Variants in CNTN4 observed in about 807,000 individuals in gnomAD.
The protein encoded by CNTN4 is contactin-4.
A neutral mutation model predicts 122.5 loss-of-function variants in CNTN4; 77 were observed. The ratio of observed to expected loss-of-function variants is 0.63; its 90% CI spans 0.52 to 0.76. The LOEUF (loss-of-function observed/expected upper bound fraction) is 0.76. CNTN4 is among the 30% of genes least tolerant of loss of function. CNTN4 has a pLI of 0.00. For missense variants in CNTN4, 1,256 were observed against 1,259.1 expected (o/e 1.00, Z 0.04); for synonymous variants, 512 against 447.0 (o/e 1.15, Z -1.83).
At chr3:2,457,246 A>G (rs2049037942) in intron 3 of CNTN4, among the ~76,000 whole-genome samples, 1 of 152,166 alleles carries the variant, frequency 6.6e-6, no homozygotes, top group African/African-American at 2.4e-5. Flanking sequence ...TGCATACAAT[A>G]TTCCAAAAGT....
At chr3:2,443,547 C>T (rs1048632214) in intron 3 of CNTN4, among the ~76,000 whole-genome samples, 1 of 152,172 alleles carries the variant, frequency 6.6e-6, no homozygotes, top group African/African-American at 2.4e-5. Context: ...ATTGAGCTTC[C>T]ATAGCAAAGA....
chr3:2,357,824 A>C (rs905011629), intron 3 of CNTN4, among the ~76,000 whole-genome samples: 1 of 152,208 alleles, frequency 6.6e-6, no homozygotes, highest in Admixed American at 6.5e-5. Context: ...TCATCTTCTT[A>C]ATCCTGTATG....
chr3:2,506,659 C>T (rs572806369), intron 3 of CNTN4, among the ~76,000 whole-genome samples: 3 of 152,144 alleles, frequency 2.0e-5, no homozygotes, highest in Non-Finnish European at 4.4e-5. Flanking sequence ...GTATCTATTT[C>T]AGGAGTAAGA....
intron 3 of CNTN4, among the ~76,000 whole-genome samples, chr3:2,446,676 C>T (rs559340307): frequency 2.0e-5 from 3 of 152,266 alleles, no homozygotes; most frequent in African/African-American, 4.8e-5. Flanking sequence ...TAAACACACT[C>T]GGTTTACTTA....
intron 4 of CNTN4, among the ~76,000 whole-genome samples, chr3:2,612,750 G>A (rs888991117): frequency 6.6e-6 from 1 of 152,060 alleles, no homozygotes; most frequent in Admixed American, 6.6e-5. Context: ...CTCTATTACA[G>A]AATAAAATAG....
intron 3 of CNTN4, among the ~76,000 whole-genome samples, chr3:2,351,002 T>C (rs911450638): frequency 7.2e-5 from 11 of 152,188 alleles, no homozygotes; most frequent in Non-Finnish European, 1.3e-4. Context: ...AATATATACC[T>C]TAATTTCTGT....
At chr3:2,749,995 A>G (rs1292741139) in intron 6 of CNTN4, among the ~76,000 whole-genome samples, 1 of 152,226 alleles carries the variant, frequency 6.6e-6, no homozygotes, top group African/African-American at 2.4e-5. Flanking sequence ...CACTTACTGC[A>G]CTATACCATG....
intron 13 of CNTN4, among the ~76,000 whole-genome samples, chr3:2,941,540 T>C (rs1246154413): frequency 6.6e-6 from 1 of 152,204 alleles, no homozygotes; most frequent in East Asian, 1.9e-4. Context: ...ACCCCATTTA[T>C]CCTATGCATC....
intron 4 of CNTN4, among the ~76,000 whole-genome samples, chr3:2,602,497 A>C (rs1168894281): frequency 3.9e-5 from 6 of 152,208 alleles, no homozygotes; most frequent in Non-Finnish European, 8.8e-5. Flanking sequence ...CAATTGCTTC[A>C]AAGAGAATAA....
chr3:2,445,013 A>AG (rs1173328458), intron 3 of CNTN4, among the ~76,000 whole-genome samples: 2 of 151,720 alleles, frequency 1.3e-5, no homozygotes, highest in Non-Finnish European at 2.9e-5. Context: ...AAAAAAAAAA[A>AG]TCTATCTCTC....
intron 6 of CNTN4, among the ~76,000 whole-genome samples, chr3:2,791,890 A>T (rs1309719321): frequency 6.6e-6 from 1 of 151,928 alleles, no homozygotes; most frequent in African/African-American, 2.4e-5. Context: ...GTGTCTGTCT[A>T]ATCTCCCTCT....
intron 15 of CNTN4, among the ~76,000 whole-genome samples, chr3:3,028,217 C>T (rs6778894): frequency 0.41 from 61,736 of 152,002 alleles, 12,928 homozygotes; most frequent in Non-Finnish European, 0.46. Context: ...TGATACACCC[C>T]ATCCCCACCG....
At chr3:3,045,136 G>A (rs938299884) in intron 23 of CNTN4, among the ~76,000 whole-genome samples, 22 of 152,212 alleles carry the variant, frequency 1.4e-4, no homozygotes, top group Middle Eastern at 3.2e-3. Flanking sequence ...ATAGCGGCCT[G>A]GAAGCTCAAA....
chr3:2,751,774 C>T (rs1436408825), intron 6 of CNTN4, among the ~76,000 whole-genome samples: 1 of 152,010 alleles, frequency 6.6e-6, no homozygotes, highest in Non-Finnish European at 1.5e-5. Context: ...GTCATATAAA[C>T]ACTGATATTT....
intron 3 of CNTN4, among the ~76,000 whole-genome samples, chr3:2,492,551 C>T (rs1277742451): frequency 6.6e-6 from 1 of 152,192 alleles, no homozygotes; most frequent in Non-Finnish European, 1.5e-5. Flanking sequence ...CATTTCTTCT[C>T]ATCTTCCTTT....
chr3:2,932,207 CTTTACTAAAAA>C (rs1181819784), intron 13 of CNTN4, among the ~76,000 whole-genome samples: 7 of 151,986 alleles, frequency 4.6e-5, no homozygotes, highest in Admixed American at 6.6e-5. Context: ...GAAACCCTCT[CTTTACTAAAAA>C]TACAAAAAAA....
At chr3:2,703,789 G>A (rs911558907) in intron 4 of CNTN4, among the ~76,000 whole-genome samples, 3 of 151,822 alleles carry the variant, frequency 2.0e-5, no homozygotes, top group Non-Finnish European at 4.4e-5. Flanking sequence ...CCATTCTTAG[G>A]GGGAAAAAAC....
intron 3 of CNTN4, among the ~76,000 whole-genome samples, chr3:2,353,717 C>T (rs1394117184): frequency 1.3e-5 from 2 of 152,086 alleles, no homozygotes; most frequent in African/African-American, 4.8e-5. Context: ...CAATTCTGGA[C>T]ACACCGTCTC....
At chr3:2,400,424 T>C (rs868092612) in intron 3 of CNTN4, among the ~76,000 whole-genome samples, 3 of 68,006 alleles carry the variant, frequency 4.4e-5, no homozygotes, top group Non-Finnish European at 6.2e-5. Context: ...TATATATATA[T>C]ATACATATAT....
Sources: allele counts gnomAD v4.1 joint callset (sites outside exome capture counted in the v4.1 genomes callset), GRCh38; gene constraint gnomAD v4.1.1; transcripts MANE v1.5; gene names NCBI Gene and HGNC (gene_info 2026-07-23, HGNC 2026-07-21).